Variants in DST observed in about 807,000 individuals in gnomAD.
DST encodes dystonin, also known as bullous pemphigoid antigen.
In DST, 253 loss-of-function variants were observed where a neutral mutation model predicts 875.2. That is an observed-to-expected ratio of 0.29 (90% CI 0.26 to 0.32). The LOEUF (loss-of-function observed/expected upper bound fraction) is 0.32, where lower values mean the gene tolerates loss of function less well. Among genes scored for constraint, DST ranks in the 10% least tolerant of loss-of-function variants. The probability of loss-of-function intolerance (pLI) is 1.00; values close to 1 mark genes in which losing one functional copy is unlikely to be tolerated. For synonymous variants in DST, 3,124 were observed against 3,197.1 expected (o/e 0.98, Z 0.77); for missense variants, 8,287 against 9,111.6 (o/e 0.91, Z 3.68).
chr6:56,665,395 T>C (rs1320456253), intron 10 of DST, among the ~76,000 whole-genome samples: 1 of 152,210 alleles, frequency 6.6e-6, no homozygotes, highest in Non-Finnish European at 1.5e-5. Context: ...CATTTAGTCA[T>C]TTCTTAAGTT....
chr6:56,546,540 A>G (rs1021927676), intron 61 of DST, among the ~76,000 whole-genome samples: 3 of 151,128 alleles, frequency 2.0e-5, no homozygotes, highest in African/African-American at 7.3e-5. Context: ...AAAGAAATAA[A>G]GCTTGAAATG....
At chr6:56,899,838 G>C (rs1034506118) in intron 3 of DST, among the ~76,000 whole-genome samples, 1 of 152,174 alleles carries the variant, frequency 6.6e-6, no homozygotes, top group Non-Finnish European at 1.5e-5. Context: ...GAAGAAAGGT[G>C]GCATTGTGGC....
chr6:56,719,121 G>A (rs2099405218), intron 5 of DST, among the ~76,000 whole-genome samples: 1 of 152,128 alleles, frequency 6.6e-6, no homozygotes, highest in African/African-American at 2.4e-5. Flanking sequence ...AGTGACAGCA[G>A]TGTTCACACA....
chr6:56,756,288 G>A (rs1247549192), intron 4 of DST, among the ~76,000 whole-genome samples: 1 of 152,088 alleles, frequency 6.6e-6, no homozygotes, highest in Non-Finnish European at 1.5e-5. Context: ...GCAGGGAGAG[G>A]GGGCTCTCTA....
At chr6:56,641,734 T>G (rs1563401240) in intron 17 of DST, among the ~76,000 whole-genome samples, 1 of 152,230 alleles carries the variant, frequency 6.6e-6, no homozygotes, top group South Asian at 2.1e-4. Context: ...AGCAGTATTA[T>G]ACGCACCATA....
chr6:56,639,905 T>C lies in DST; in HGVS notation c.2619+24A>G, dbSNP rs368751611. ...AACAAGAGTAAACTAAAATGAAATA[T>C]ATACAAATTTTAAATTCACATACCT... On this transcript the variant is annotated intron_variant, in intron 19 of 103. Transcript: ENST00000680361. The C allele has an allele frequency of 5.3e-5, 86 of 1,607,602 alleles. No homozygotes were observed. The African/African-American group carries it at 1.0e-3, about 19-fold the overall frequency.
chr6:56,883,408 C>A (rs1783131189), intron 3 of DST, among the ~76,000 whole-genome samples: 1 of 152,052 alleles, frequency 6.6e-6, no homozygotes, highest in African/African-American at 2.4e-5. Context: ...AAAAAGACAA[C>A]AAATAAGCAA....
rs531999230 is a variant in DST at position 56,651,028 on chromosome 6, G to A, written c.1332C>T (p.Val444=). The stretch of plus-strand genomic sequence containing the variant: ...ATTTTTCATCAGGTGAGGAGACATC[G>A]ACATCTAAAAACAGCAACATAAATT... ...GVIRLLDPED[V]DVSSPDEKSV... Residue 444 remains valine, a synonymous_variant, in exon 12 of 104, where the codon GTC becomes GTT. Transcript: ENST00000680361. The A allele has an allele frequency of 6.8e-6, 11 of 1,606,966 alleles. No homozygotes were observed. Among genetic ancestry groups the A allele is most frequent in the African/African-American group, 5.4e-5 (4 of 74,638 alleles).
At chr6:56,722,643 A>G (rs1325963041) in intron 5 of DST, among the ~76,000 whole-genome samples, 1 of 152,196 alleles carries the variant, frequency 6.6e-6, no homozygotes, top group Non-Finnish European at 1.5e-5. Context: ...TGGCCTCCCA[A>G]AGTGCTGGGA....
chr6:56,719,853 G>A (rs955463144), intron 5 of DST, among the ~76,000 whole-genome samples: 4 of 152,182 alleles, frequency 2.6e-5, no homozygotes, highest in East Asian at 1.9e-4. Context: ...AGGAGTGTAC[G>A]ATAGGGTGTG....
chr6:56,567,436 A>AC (rs1180373293), intron 55 of DST, among the ~76,000 whole-genome samples: 1 of 151,710 alleles, frequency 6.6e-6, no homozygotes, highest in Non-Finnish European at 1.5e-5. Flanking sequence ...GAGTAAAAAA[A>AC]AAAAAAAAAA....
rs774681834 is a variant in DST, at chr6:56,555,325, T to C, written c.15136+20A>G. 3.2e-6 allele frequency: 5 copies of C among 1,538,932 alleles called. No individual in the cohort carries two copies. Among genetic ancestry groups the C allele is most frequent in the Non-Finnish European group, 4.4e-6 (5 of 1,145,390 alleles). ...CATTTATTTCTGACCAGGAAATATATGTATTAAAAGTAGACAAACCTGCTT... is the reference window on the plus strand; with the variant it reads ...CATTTATTTCTGACCAGGAAATATACGTATTAAAAGTAGACAAACCTGCTT... On this transcript the variant is annotated intron_variant, in intron 60 of 103. Transcript: ENST00000680361.
At chr6:56,623,296 T>A (rs918558012) in intron 36 of DST, among the ~76,000 whole-genome samples, 47 of 152,234 alleles carry the variant, frequency 3.1e-4, no homozygotes, top group African/African-American at 1.1e-3. Flanking sequence ...TAAGTTATTT[T>A]ATTTTATATT....
chr6:56,873,831 A>T (rs536804106), intron 3 of DST, among the ~76,000 whole-genome samples: 3 of 152,358 alleles, frequency 2.0e-5, no homozygotes, highest in East Asian at 3.8e-4. Context: ...ACTTTATTGT[A>T]TAGCTCTAAA....
At chr6:56,473,661 A>G (rs1237414716) in intron 93 of DST, among the ~76,000 whole-genome samples, 1 of 152,240 alleles carries the variant, frequency 6.6e-6, no homozygotes, top group Non-Finnish European at 1.5e-5. Flanking sequence ...TCAAGACAAT[A>G]AAGTTACGTA....
intron 61 of DST, among the ~76,000 whole-genome samples, chr6:56,551,027 A>G (rs1171885384): frequency 6.6e-6 from 1 of 152,234 alleles, no homozygotes; most frequent in Non-Finnish European, 1.5e-5. Flanking sequence ...TCAAGAATCA[A>G]GAACTAAATA....
In DST at chr6:56,639,409, A is replaced by G. The variant is rs1214721549; in HGVS notation, c.2859+41T>C. ...GTGTGTTAGAAAAATATATAAACCT[A>G]AAATGCAACCCTAGTATGCAAGTAC... On this transcript the variant is annotated intron_variant, in intron 21 of 103. Transcript: ENST00000680361. The G allele has an allele frequency of 3.1e-6, 5 of 1,613,124 alleles. No homozygotes were observed. In the East Asian group the frequency reaches 8.9e-5, roughly 29 times the overall value.
intron 49 of DST, among the ~76,000 whole-genome samples, chr6:56,579,470 G>A (rs770728449): frequency 6.6e-6 from 1 of 152,116 alleles, no homozygotes; most frequent in Admixed American, 6.6e-5. Context: ...AATAAAAACA[G>A]ACACAAAGCT....
intron 9 of DST, among the ~76,000 whole-genome samples, chr6:56,677,548 G>T (rs189740396): frequency 1.3e-4 from 20 of 152,260 alleles, no homozygotes; most frequent in Non-Finnish European, 1.5e-5. Context: ...GGCTTCAAGT[G>T]ATCCTCCCAC....
Sources: gnomAD v4.1 joint callset for allele counts (sites outside exome capture counted in the v4.1 genomes callset) on GRCh38, gnomAD v4.1.1 for gene constraint, MANE v1.5 for transcripts, NCBI Gene and HGNC (gene_info 2026-07-23, HGNC 2026-07-21) for gene names.